The following BRAF variants were observed in gnomAD, a reference collection of about 807,000 sequenced individuals.
BRAF encodes the protein serine/threonine-protein kinase B-raf.
In BRAF, 16 loss-of-function variants were observed where a neutral mutation model predicts 104.6. That is an observed-to-expected ratio of 0.15 (90% confidence interval 0.10 to 0.23). The LOEUF (loss-of-function observed/expected upper bound fraction) is 0.23, where lower values mean the gene tolerates loss of function less well. Ranked by LOEUF, BRAF falls within the 10% of genes least tolerant of loss-of-function variation. The probability of loss-of-function intolerance (pLI) is 1.00; values close to 1 mark genes in which losing one functional copy is unlikely to be tolerated. For synonymous variants in BRAF, 310 were observed against 341.6 expected (o/e 0.91, Z 1.02); for missense variants, 541 against 937.3 (o/e 0.58, Z 5.52).
intron 1 of BRAF, among the ~76,000 whole-genome samples, chr7:140,900,431 T>C (rs543940925): frequency 6.6e-6 from 1 of 152,234 alleles, no homozygotes; most frequent in Non-Finnish European, 1.5e-5. Context: ...TGGGGAAGTC[T>C]AGCTTCATTT....
At chr7:140,817,751 G>C (rs1280282370) in intron 3 of BRAF, among the ~76,000 whole-genome samples, 1 of 152,128 alleles carries the variant, frequency 6.6e-6, no homozygotes, top group Non-Finnish European at 1.5e-5. Flanking sequence ...TCAGGTTTGT[G>C]ACACCTTGTT....
At chr7:140,789,816 C>T (rs1253467657) in intron 8 of BRAF, among the ~76,000 whole-genome samples, 4 of 152,212 alleles carry the variant, frequency 2.6e-5, no homozygotes, top group Admixed American at 6.5e-5. Flanking sequence ...CTGCAACCTT[C>T]GCCTCCTGGG....
At chr7:140,794,822 AT>A (rs1039541972) in intron 7 of BRAF, among the ~76,000 whole-genome samples, 2 of 152,114 alleles carry the variant, frequency 1.3e-5, no homozygotes, top group Non-Finnish European at 1.5e-5. Context: ...ATAATTTGCC[AT>A]TTTTTTCTAA....
intron 2 of BRAF, among the ~76,000 whole-genome samples, chr7:140,849,763 G>A (rs1331589346): frequency 6.6e-6 from 1 of 151,938 alleles, no homozygotes; most frequent in Non-Finnish European, 1.5e-5. Context: ...AGTGAGCTGA[G>A]ATTGTGTCAC....
At chr7:140,807,481 A>G (rs1191805631) in intron 5 of BRAF, among the ~76,000 whole-genome samples, 3 of 152,144 alleles carry the variant, frequency 2.0e-5, no homozygotes, top group South Asian at 2.1e-4. Flanking sequence ...TTAAAAAAAA[A>G]TAAGGCAAAG....
At chr7:140,915,841 C>T (rs1409983696) in intron 1 of BRAF, among the ~76,000 whole-genome samples, 1 of 151,984 alleles carries the variant, frequency 6.6e-6, no homozygotes, top group Non-Finnish European at 1.5e-5. Context: ...GTATTACTCT[C>T]TCCCTGGAAG....
chr7:140,844,239 GAA>G (rs1358496319), intron 2 of BRAF, among the ~76,000 whole-genome samples: 4 of 150,912 alleles, frequency 2.7e-5, no homozygotes, highest in Non-Finnish European at 5.9e-5. Context: ...GAATTAAAAA[GAA>G]AATTAAAAAA....
intron 14 of BRAF, among the ~76,000 whole-genome samples, chr7:140,769,924 C>T (rs144239843): frequency 3.9e-5 from 6 of 152,232 alleles, no homozygotes; most frequent in Admixed American, 1.3e-4. Context: ...TTTCTGTATA[C>T]ACGACTTGGA....
intron 2 of BRAF, among the ~76,000 whole-genome samples, chr7:140,840,889 A>G (rs1422101095): frequency 6.6e-6 from 1 of 151,104 alleles, no homozygotes. Context: ...TAATTTTTGT[A>G]TTTTTTGTAG....
Position 140,877,267 on chromosome 7 carries a change from AT to A in BRAF, c.139-27056del, listed in dbSNP as rs199668599. 4.2e-3 allele frequency among the ~76,000 whole-genome samples: 439 copies of A among 104,014 alleles called. 2 individuals are homozygous for A. The highest frequency in any genetic ancestry group is 0.017 in the African/African-American group (406 of 24,474). 68.2% of individuals were successfully genotyped at this position (104,014 alleles called of 152,430 possible). Reference sequence around the variant, plus strand: ...TTAATATCATTAAGCTTGTGCCATTATTTTTTTTTTAGTTTTTTTAAGAGAT... The same window carrying A: ...TTAATATCATTAAGCTTGTGCCATTATTTTTTTTTAGTTTTTTTAAGAGAT... On this transcript the variant is annotated intron_variant, in intron 1 of 19. Coordinates refer to ENST00000644969, the MANE Select transcript of BRAF (RefSeq NM_001374258.1).
In BRAF at chr7:140,785,825, A is replaced by C; in HGVS notation, c.1178-17T>G. On this transcript the variant is annotated splice_polypyrimidine_tract_variant and intron_variant, in intron 9 of 19. Coordinates refer to ENST00000644969, the MANE Select transcript of BRAF (RefSeq NM_001374258.1). ...TCAAAGGGGCTGTTAGAAGAGAAAGAGAGGGGCAGGCAAACACAGGAAGAC... is the reference window on the plus strand; with the variant it reads ...TCAAAGGGGCTGTTAGAAGAGAAAGCGAGGGGCAGGCAAACACAGGAAGAC... 2.5e-6 allele frequency: 1 copy of C among 399,030 alleles called. No individual in the cohort carries two copies. Among genetic ancestry groups the C allele is most frequent in the Non-Finnish European group, 4.4e-6 (1 of 226,086 alleles). 24.7% of individuals were successfully genotyped at this position (399,030 alleles called of 1,614,324 possible). A position where few individuals can be genotyped will look rare whatever the true frequency, so the allele number is the denominator to read the frequency against.
intron 12 of BRAF, chr7:140,781,278 A>G (rs1363932393): frequency 2.6e-6 from 1 of 389,538 alleles, no homozygotes; most frequent in Non-Finnish European, 4.8e-6. Flanking sequence ...AATACAAATA[A>G]AATTATCAGC....
intron 14 of BRAF, among the ~76,000 whole-genome samples, chr7:140,761,635 AG>A (rs565811112): frequency 3.5e-4 from 53 of 152,334 alleles, no homozygotes; most frequent in Middle Eastern, 3.4e-3. Context: ...TGCTGCATAC[AG>A]GAAACCCATC....
At chr7:140,839,167 A>G (rs1275512198) in intron 2 of BRAF, among the ~76,000 whole-genome samples, 2 of 152,086 alleles carry the variant, frequency 1.3e-5, no homozygotes, top group Non-Finnish European at 2.9e-5. Flanking sequence ...CTACCTCACA[A>G]CATATCCAAA....
chr7:140,920,429 C>T (rs1250474761), intron 1 of BRAF, among the ~76,000 whole-genome samples: 1 of 152,184 alleles, frequency 6.6e-6, no homozygotes, highest in Admixed American at 6.5e-5. Flanking sequence ...CCTCTCTTCC[C>T]CATCACTCAT....
intron 7 of BRAF, among the ~76,000 whole-genome samples, chr7:140,797,572 T>G (rs1802619989): frequency 6.6e-6 from 1 of 152,218 alleles, no homozygotes; most frequent in South Asian, 2.1e-4. Flanking sequence ...TTGAACATCT[T>G]ATCATTTGCT....
Position 140,726,201 on chromosome 7 carries a change from GA to G in BRAF, c.*292del. On this transcript the variant is annotated 3_prime_UTR_variant, in exon 20 of 20. Coordinates refer to ENST00000644969, the MANE Select transcript of BRAF (RefSeq NM_001374258.1). Reference sequence around the variant, plus strand: ...GCAGCAGTTTCTTTCCATCATGCCTGACCATCAAAAGGTCAGAATTCAGGGT... The same window carrying G: ...GCAGCAGTTTCTTTCCATCATGCCTGCCATCAAAAGGTCAGAATTCAGGGT... 8.1e-7 allele frequency: 1 copy of G among 1,237,322 alleles called. No individual in the cohort carries two copies. The highest frequency in any genetic ancestry group is 2.7e-5 in the South Asian group (1 of 37,004). 76.6% of individuals were successfully genotyped at this position (1,237,322 alleles called of 1,614,324 possible). A position where few individuals can be genotyped will look rare whatever the true frequency, so the allele number is the denominator to read the frequency against.
At chr7:140,877,431 T>C (rs551883531) in intron 1 of BRAF, among the ~76,000 whole-genome samples, 4 of 152,108 alleles carry the variant, frequency 2.6e-5, no homozygotes, top group East Asian at 1.9e-4. Context: ...CTGATACTAT[T>C]ATATCAGCAA....
rs117776419 is a variant in BRAF, at chr7:140,735,503, T to A, written c.2248-733A>T. ...ATAATGCCTGGCCTATAATAAGCAC[T>A]CAATAAAACCTTAGCAGCTATTATT... On this transcript the variant is annotated intron_variant, in intron 18 of 19. Coordinates refer to ENST00000644969, the MANE Select transcript of BRAF (RefSeq NM_001374258.1). Among the ~76,000 whole-genome samples the A allele has an allele frequency of 6.6e-3, 1,009 of 152,288 alleles. 5 individuals carry two copies. Among genetic ancestry groups the A allele is most frequent in the Non-Finnish European group, 9.7e-3 (659 of 68,028 alleles).
Sources: gnomAD v4.1 joint callset for allele counts (sites outside exome capture counted in the v4.1 genomes callset) on GRCh38, gnomAD v4.1.1 for gene constraint, MANE v1.5 for transcripts, NCBI Gene and HGNC (gene_info 2026-07-23, HGNC 2026-07-21) for gene names.